The following CYP7B1 variants were observed in gnomAD, a reference collection of about 807,000 sequenced individuals.
CYP7B1 encodes the protein cytochrome P450 family 7 subfamily B member 1, also known as cytochrome P450 7B1.
In CYP7B1, 29 loss-of-function variants were observed where a neutral mutation model predicts 42.7. The ratio of observed to expected loss-of-function variants is 0.68; its 90% CI spans 0.51 to 0.93. The LOEUF (loss-of-function observed/expected upper bound fraction) is 0.93, where lower values mean the gene tolerates loss of function less well. Ranked by LOEUF, CYP7B1 falls within the 40% of genes least tolerant of loss-of-function variation. The pLI, the probability that CYP7B1 is intolerant of heterozygous loss-of-function variation, is 0.00. For synonymous variants in CYP7B1, 235 were observed against 218.2 expected, an observed-to-expected ratio of 1.08 and a Z score of -0.68; for missense variants, 655 against 600.5, an observed-to-expected ratio of 1.09 and a Z score of -0.95.
At chr8:64,787,952 A>C (rs1345972329) in intron 1 of CYP7B1, among the ~76,000 whole-genome samples, 2 of 152,174 alleles carry the variant, frequency 1.3e-5, no homozygotes, top group African/African-American at 2.4e-5. Context: ...ATGCTTAGAA[A>C]ACTATCAGAT....
chr8:64,769,194 G>C (rs1214447347), intron 1 of CYP7B1, among the ~76,000 whole-genome samples: 1 of 152,088 alleles, frequency 6.6e-6, no homozygotes, highest in Non-Finnish European at 1.5e-5. Flanking sequence ...AAAATTTATA[G>C]TAATTTAATC....
intron 1 of CYP7B1, among the ~76,000 whole-genome samples, chr8:64,740,453 C>A (rs920449612): frequency 2.0e-5 from 3 of 150,922 alleles, no homozygotes; most frequent in African/African-American, 7.3e-5. Context: ...TAGAAATGAG[C>A]AACTTAAGCA....
rs117959330 is a variant in CYP7B1 at position 64,775,881 on chromosome 8, T to C, written c.122+22585A>G. On this transcript the variant is annotated intron_variant, in intron 1 of 5. Coordinates refer to ENST00000310193, the MANE Select transcript of CYP7B1 (RefSeq NM_004820.5). The stretch of plus-strand genomic sequence containing the variant: ...GGTGGTAAATGTGAGAATAGTAATG[T>C]CCTTGTGGAATCATATCATTCCCAA... 9.9e-5 allele frequency among the ~76,000 whole-genome samples: 15 copies of C among 152,238 alleles called. No individual in the cohort carries two copies. In the East Asian group the frequency reaches 2.9e-3, roughly 29 times the overall value.
At chr8:64,792,229 A>T (rs1456890866) in intron 1 of CYP7B1, among the ~76,000 whole-genome samples, 4 of 152,198 alleles carry the variant, frequency 2.6e-5, no homozygotes, top group Non-Finnish European at 5.9e-5. Context: ...AGGTTAGCTT[A>T]AATTTTTTTC....
chr8:64,725,573 G>T (rs776997680), intron 1 of CYP7B1, among the ~76,000 whole-genome samples: 15 of 152,150 alleles, frequency 9.9e-5, no homozygotes, highest in Non-Finnish European at 2.2e-4. Flanking sequence ...CTGACAGTGG[G>T]AGCTGGATTC....
rs1262964426 is a variant in CYP7B1, at chr8:64,591,109, TAG to T, written c.*5531_*5532del. On this transcript the variant is annotated 3_prime_UTR_variant, in exon 6 of 6. Coordinates refer to ENST00000310193, the MANE Select transcript of CYP7B1 (RefSeq NM_004820.5). ...AAATTATAACCTATTTTAAATTGTG[TAG>T]AGTTTTTCATGTATTAAATTTATTT... 3.9e-5 allele frequency among the ~76,000 whole-genome samples: 6 copies of T among 152,172 alleles called. No individual in the cohort carries two copies. The highest frequency in any genetic ancestry group is 7.2e-5 in the African/African-American group (3 of 41,470).
chr8:64,763,819 G>A (rs977397855), intron 1 of CYP7B1, among the ~76,000 whole-genome samples: 4 of 152,200 alleles, frequency 2.6e-5, no homozygotes, highest in Non-Finnish European at 2.9e-5. Flanking sequence ...CCCAACAGTC[G>A]CCCATGCGTG....
intron 1 of CYP7B1, among the ~76,000 whole-genome samples, chr8:64,665,042 T>C (rs917765528): frequency 1.3e-5 from 2 of 152,182 alleles, no homozygotes; most frequent in African/African-American, 2.4e-5. Flanking sequence ...TTATTTTCTA[T>C]GTGTCATATG....
chr8:64,671,146 A>G lies in CYP7B1; in HGVS notation c.123-46607T>C, dbSNP rs1028354754. 9.9e-5 allele frequency among the ~76,000 whole-genome samples: 15 copies of G among 152,152 alleles called. 1 individual carries two copies. Among genetic ancestry groups the G allele is most frequent in the Admixed American group, 9.2e-4 (14 of 15,256 alleles). ...GGATATGAAAGTAGTAAGTTACAGA[A>G]TAATAACTATATTCAATTTATGTAA... is the stretch of plus-strand genomic sequence containing the variant. On this transcript the variant is annotated intron_variant, in intron 1 of 5. Coordinates refer to ENST00000310193, the MANE Select transcript of CYP7B1 (RefSeq NM_004820.5).
chr8:64,796,827 A>C (rs1442966828), intron 1 of CYP7B1, among the ~76,000 whole-genome samples: 1 of 152,236 alleles, frequency 6.6e-6, no homozygotes, highest in Non-Finnish European at 1.5e-5. Context: ...TATTAGCATA[A>C]GCTTTAAAAA....
chr8:64,649,844 C>A (rs1294785086), intron 1 of CYP7B1, among the ~76,000 whole-genome samples: 1 of 152,062 alleles, frequency 6.6e-6, no homozygotes, highest in Admixed American at 6.5e-5. Flanking sequence ...GTTTATTGGT[C>A]ATTTGTATTT....
intron 1 of CYP7B1, among the ~76,000 whole-genome samples, chr8:64,783,402 C>A (rs1336809702): frequency 6.6e-6 from 1 of 152,102 alleles, no homozygotes; most frequent in Admixed American, 6.6e-5. Context: ...TCAAAAAAAT[C>A]ATTAAATTTT....
chr8:64,654,827 T>G (rs1806097391), intron 1 of CYP7B1, among the ~76,000 whole-genome samples: 1 of 152,128 alleles, frequency 6.6e-6, no homozygotes, highest in Admixed American at 6.5e-5. Context: ...AAGAGGCACA[T>G]AGACCAATGG....
chr8:64,737,101 A>C (rs1336601279), intron 1 of CYP7B1, among the ~76,000 whole-genome samples: 1 of 152,088 alleles, frequency 6.6e-6, no homozygotes, highest in Non-Finnish European at 1.5e-5. Context: ...CATTTTTAAA[A>C]ATCTATTTTG....
chr8:64,696,018 G>T (rs1188248671), intron 1 of CYP7B1, among the ~76,000 whole-genome samples: 1 of 151,856 alleles, frequency 6.6e-6, no homozygotes, highest in Non-Finnish European at 1.5e-5. Flanking sequence ...ATAATTTATT[G>T]GACATTAATT....
intron 2 of CYP7B1, among the ~76,000 whole-genome samples, chr8:64,616,642 A>T (rs151059625): frequency 6.6e-6 from 1 of 152,210 alleles, no homozygotes; most frequent in Non-Finnish European, 1.5e-5. Context: ...AAAGCAGAAA[A>T]CAAATTGGCA....
intron 1 of CYP7B1, among the ~76,000 whole-genome samples, chr8:64,660,807 C>T (rs771230579): frequency 7.2e-5 from 11 of 152,192 alleles, no homozygotes; most frequent in Non-Finnish European, 1.0e-4. Context: ...GAGCACCTAC[C>T]ACTGCCCTCT....
At chr8:64,678,881 CTGTGTGTGTG>C (rs56067911) in intron 1 of CYP7B1, among the ~76,000 whole-genome samples, 2 of 147,630 alleles carry the variant, frequency 1.4e-5, no homozygotes, top group African/African-American at 2.5e-5. Context: ...AACATCAATG[CTGTGTGTGTG>C]TGTGTGTGTG....
At chr8:64,655,347 A>C (rs1806105701) in intron 1 of CYP7B1, among the ~76,000 whole-genome samples, 1 of 152,240 alleles carries the variant, frequency 6.6e-6, no homozygotes, top group Admixed American at 6.5e-5. Flanking sequence ...GACCCTATTA[A>C]AAAGTGGGCA....
Sources: gnomAD v4.1 joint callset for allele counts (sites outside exome capture counted in the v4.1 genomes callset) on GRCh38, gnomAD v4.1.1 for gene constraint, MANE v1.5 for transcripts, NCBI Gene and HGNC (gene_info 2026-07-23, HGNC 2026-07-21) for gene names.